TGFBR3: variants seen among roughly 807,000 people sequenced by gnomAD.
TGFBR3 encodes the protein transforming growth factor beta receptor 3, also known as transforming growth factor beta receptor type 3.
In TGFBR3, 46 loss-of-function variants were observed where a neutral mutation model predicts 87.9. The ratio of observed to expected loss-of-function variants is 0.52; its 90% CI spans 0.41 to 0.67. TGFBR3 has a LOEUF of 0.67. Ranked by LOEUF, TGFBR3 falls within the 30% of genes least tolerant of loss-of-function variation. TGFBR3 has a pLI of 0.00. For synonymous variants in TGFBR3, 381 were observed against 391.6 expected, an observed-to-expected ratio of 0.97 and a Z score of 0.32; for missense variants, 866 against 1,041.9, an observed-to-expected ratio of 0.83 and a Z score of 2.32.
chr1:91,769,433 C>T (rs1344442065), intron 3 of TGFBR3, among the ~76,000 whole-genome samples: 2 of 152,104 alleles, frequency 1.3e-5, no homozygotes, highest in African/African-American at 2.4e-5. Context: ...TGGGCACACA[C>T]GGGCCCTGTT....
At chr1:91,743,316 C>T (rs979970833) in intron 4 of TGFBR3, among the ~76,000 whole-genome samples, 11 of 152,130 alleles carry the variant, frequency 7.2e-5, no homozygotes, top group Admixed American at 7.2e-4. Context: ...GCCTCCTTGA[C>T]CCCTACCCCA....
At chr1:91,839,153 T>A (rs189500507) in intron 2 of TGFBR3, among the ~76,000 whole-genome samples, 4 of 152,052 alleles carry the variant, frequency 2.6e-5, no homozygotes, top group Non-Finnish European at 5.9e-5. Context: ...AATGTTTTAG[T>A]TTTTCGTAGA....
At chr1:91,727,624 C>A (rs748815744) in intron 7 of TGFBR3, 35 bp downstream of exon 7, 1 of 1,613,346 alleles carries the variant, frequency 6.2e-7, no homozygotes, top group Admixed American at 1.7e-5. Flanking sequence ...TGTCATTTAT[C>A]TAAACAAAAC....
chr1:91,823,280 G>A lies in TGFBR3; in HGVS notation c.62-25809C>T, dbSNP rs148877927. Among the ~76,000 whole-genome samples the A allele has an allele frequency of 1.5e-3, 230 of 152,306 alleles. 1 individual carries two copies. The highest frequency in any genetic ancestry group is 5.1e-3 in the African/African-American group (214 of 41,556). ...AACATGGATAGGAAATGATGAATCT[G>A]TATTAAAACCAACATAGGTACACAT... On this transcript the variant is annotated intron_variant, in intron 2 of 16. Transcript: ENST00000212355.
At chr1:91,891,511 A>AG (rs1387558200) in intron 2 of TGFBR3, among the ~76,000 whole-genome samples, 2 of 152,098 alleles carry the variant, frequency 1.3e-5, no homozygotes, top group Non-Finnish European at 2.9e-5. Context: ...GAAAAAAAAA[A>AG]AAAACTCGAT....
intron 1 of TGFBR3, 27 bp from the exon 2 acceptor site, chr1:91,861,671 C>T (rs781728160): frequency 1.4e-6 from 1 of 703,530 alleles, no homozygotes; most frequent in Non-Finnish European, 2.6e-6. Flanking sequence ...AATAAGAAAA[C>T]TTAATGAAGA....
chr1:91,839,902 T>C (rs1458084338), intron 2 of TGFBR3, among the ~76,000 whole-genome samples: 1 of 152,218 alleles, frequency 6.6e-6, no homozygotes, highest in East Asian at 1.9e-4. Flanking sequence ...GTACTTTGGT[T>C]ATGTAAGATG....
In TGFBR3 at chr1:91,726,790, CAAAAAAAAAAAA is replaced by C. The variant is rs199939529; in HGVS notation, c.885+857_885+868del. Among the ~76,000 whole-genome samples the C allele has an allele frequency of 3.3e-5, 3 of 90,592 alleles. No homozygotes were observed. In the Admixed American group the frequency reaches 3.9e-4, roughly 12 times the overall value. 59.4% of individuals were successfully genotyped at this position (90,592 alleles called of 152,430 possible). A position where few individuals can be genotyped will look rare whatever the true frequency, so the allele number is the denominator to read the frequency against. On this transcript the variant is annotated intron_variant, in intron 7 of 16. Transcript: ENST00000212355. ...TGCAGGAACTAAAAGAGAGATTGGC[CAAAAAAAAAAAA>C]AAAAAAAAAAAAAATTTGAGCCCAT...
intron 2 of TGFBR3, among the ~76,000 whole-genome samples, chr1:91,853,280 AAAG>A (rs1426841429): frequency 1.3e-5 from 2 of 149,812 alleles, no homozygotes; most frequent in African/African-American, 4.9e-5. Flanking sequence ...AAAAAAAAAA[AAAG>A]AAGAAGAAGA....
intron 2 of TGFBR3, among the ~76,000 whole-genome samples, chr1:91,896,309 G>A (rs1679549814): frequency 6.6e-6 from 1 of 152,132 alleles, no homozygotes; most frequent in African/African-American, 2.4e-5. Flanking sequence ...TTCTAGAGAT[G>A]GGTACCCACA....
chr1:91,727,402 G>A (rs1226916152), intron 7 of TGFBR3, among the ~76,000 whole-genome samples: 1 of 152,150 alleles, frequency 6.6e-6, no homozygotes, highest in Non-Finnish European at 1.5e-5. Context: ...GGGAGCTGGG[G>A]TTCAGAGAGG....
intron 1 of TGFBR3, among the ~76,000 whole-genome samples, chr1:91,874,841 A>G (rs948496746): frequency 6.6e-6 from 1 of 152,154 alleles, no homozygotes; most frequent in African/African-American, 2.4e-5. Context: ...AGGTTTTATC[A>G]CAATCATTCT....
At chr1:91,698,384 G>C (rs766997166) in intron 14 of TGFBR3, among the ~76,000 whole-genome samples, 1 of 152,140 alleles carries the variant, frequency 6.6e-6, no homozygotes, top group South Asian at 2.1e-4. Context: ...CCTAAACTTA[G>C]GGAATTTGGG....
intron 3 of TGFBR3, among the ~76,000 whole-genome samples, chr1:91,764,809 G>A (rs181380014): frequency 8.5e-5 from 13 of 152,244 alleles, no homozygotes; most frequent in African/African-American, 3.1e-4. Flanking sequence ...ACAGTGCTCC[G>A]GATGGACTTG....
intron 4 of TGFBR3, among the ~76,000 whole-genome samples, chr1:91,744,086 C>CT (rs144888223): frequency 0.26 from 35,003 of 135,642 alleles, 4,594 homozygotes; most frequent in Middle Eastern, 0.29. Flanking sequence ...ATTTTACTTA[C>CT]TTTTTTTTTT....
At chr1:91,894,270 C>T (rs1490152889) in intron 2 of TGFBR3, among the ~76,000 whole-genome samples, 2 of 152,196 alleles carry the variant, frequency 1.3e-5, no homozygotes, top group African/African-American at 4.8e-5. Flanking sequence ...CAATGACTTT[C>T]ATCCTGTAGT....
intron 2 of TGFBR3, among the ~76,000 whole-genome samples, chr1:91,846,948 A>C (rs1677525082): frequency 6.6e-6 from 1 of 152,168 alleles, no homozygotes; most frequent in Admixed American, 6.5e-5. Flanking sequence ...AAAAGAAAAA[A>C]TATTGTTACA....
chr1:91,756,719 T>C (rs183065160), intron 4 of TGFBR3, among the ~76,000 whole-genome samples: 51 of 152,332 alleles, frequency 3.3e-4, no homozygotes, highest in African/African-American at 1.0e-3. Flanking sequence ...CTTGTAAATG[T>C]ACCTTTTGAG....
At chr1:91,724,184 C>T (rs1672469726) in intron 7 of TGFBR3, among the ~76,000 whole-genome samples, 1 of 151,948 alleles carries the variant, frequency 6.6e-6, no homozygotes, top group African/African-American at 2.4e-5. Flanking sequence ...GCTCTTACTC[C>T]AATTCAGAAA....
Sources: gnomAD v4.1 joint callset for allele counts (sites outside exome capture counted in the v4.1 genomes callset) on GRCh38, gnomAD v4.1.1 for gene constraint, MANE v1.5 for transcripts, NCBI Gene and HGNC (gene_info 2026-07-23, HGNC 2026-07-21) for gene names.